The following STXBP3 variants were observed in gnomAD, a reference collection of about 807,000 sequenced individuals.
STXBP3 encodes the protein syntaxin-binding protein 3.
STXBP3 carries 41 observed loss-of-function variants against 85.7 expected under a neutral mutation model. The ratio of observed to expected loss-of-function variants is 0.48; its 90% CI spans 0.37 to 0.62. STXBP3 has a LOEUF of 0.62. Ranked by LOEUF, STXBP3 falls within the 20% of genes least tolerant of loss-of-function variation. The pLI is 0.00. For missense variants in STXBP3, 563 were observed against 703.1 expected (o/e 0.80, Z 2.25); for synonymous variants, 229 against 231.7 (o/e 0.99, Z 0.10).
rs1160617219 is a variant in STXBP3, at chr1:108,809,343, TCA to T, written c.*467_*468del. The T allele has an allele frequency of 6.5e-6, 1 of 153,402 alleles. No homozygotes were observed. The highest frequency in any genetic ancestry group is 1.5e-5 in the Non-Finnish European group (1 of 68,662). 9.5% of individuals were successfully genotyped at this position (153,402 alleles called of 1,614,324 possible). A position where few individuals can be genotyped will look rare whatever the true frequency, so the allele number is the denominator to read the frequency against. ...GTGTAGTTTTTCTTTCAACTAAAAT[TCA>T]GTTTATGTGTAAAATAATTCAGTCA... On this transcript the variant is annotated 3_prime_UTR_variant, in exon 19 of 19. Coordinates refer to ENST00000370008, the MANE Select transcript of STXBP3 (RefSeq NM_007269.4).
chr1:108,782,138 G>A (rs1387333988), intron 9 of STXBP3: 3 of 297,156 alleles, frequency 1.0e-5, no homozygotes, highest in Non-Finnish European at 1.9e-5. Flanking sequence ...TTAACTGTAG[G>A]ACGTTGAATT....
intron 6 of STXBP3, among the ~76,000 whole-genome samples, chr1:108,770,694 G>T (rs1662372033): frequency 6.6e-6 from 1 of 152,162 alleles, no homozygotes; most frequent in Non-Finnish European, 1.5e-5. Context: ...AATTTTCATA[G>T]TTTAAGAGAA....
Position 108,752,310 on chromosome 1 carries a change from G to A in STXBP3, c.99+4G>A. 1.2e-6 allele frequency: 2 copies of A among 1,611,070 alleles called. No individual in the cohort carries two copies. The highest frequency in any genetic ancestry group is 1.7e-6 in the Non-Finnish European group (2 of 1,178,138). On this transcript the variant is annotated splice_donor_region_variant and intron_variant, in intron 2 of 18. Coordinates refer to ENST00000370008, the MANE Select transcript of STXBP3 (RefSeq NM_007269.4). ...CAAGAAAGAAGGCGAATGGAAGGTAGAGTTTGCATACCTTGCTCTTATAAA... is the reference window on the plus strand; with the variant it reads ...CAAGAAAGAAGGCGAATGGAAGGTAAAGTTTGCATACCTTGCTCTTATAAA...
chr1:108,749,783 A>C (rs1661864103), intron 1 of STXBP3, among the ~76,000 whole-genome samples: 2 of 152,210 alleles, frequency 1.3e-5, no homozygotes, highest in South Asian at 4.1e-4. Context: ...TGGCAGACAC[A>C]GGTAGATCCA....
intron 11 of STXBP3, among the ~76,000 whole-genome samples, chr1:108,791,367 T>C (rs1662971111): frequency 6.6e-6 from 1 of 152,204 alleles, no homozygotes; most frequent in African/African-American, 2.4e-5. Context: ...GCTGAGCTTC[T>C]TGAGTCACTG....
rs531616756 is a variant in STXBP3, at chr1:108,762,427, AGTCTC to A, written c.438+2343_438+2347del. 6.4e-3 allele frequency among the ~76,000 whole-genome samples: 977 copies of A among 152,200 alleles called. 7 individuals carry two copies. Among genetic ancestry groups the A allele is most frequent in the Non-Finnish European group, 9.3e-3 (634 of 67,998 alleles). On this transcript the variant is annotated intron_variant, in intron 6 of 18. Transcript: ENST00000370008. ...GGCTCTATGAAATTGTCAGGGGTCT[AGTCTC>A]CTAGGCATGGCCCTTATGATCTAAG...
In STXBP3 at chr1:108,787,630, C is replaced by T. The variant is rs114685360; in HGVS notation, c.963+4924C>T. Among the ~76,000 whole-genome samples, 410 of 151,956 alleles carry T rather than the reference C, an allele frequency of 2.7e-3. 3 individuals carry two copies. The highest frequency in any genetic ancestry group is 9.3e-3 in the African/African-American group (384 of 41,418). ...ATGAAATCAAACTGGTGATAATGAG[C>T]GTCCTTGTCTCATTCCCAGCTTTAT... On this transcript the variant is annotated intron_variant, in intron 11 of 18. Coordinates refer to ENST00000370008, the MANE Select transcript of STXBP3 (RefSeq NM_007269.4).
chr1:108,794,685 C>A, intron 12 of STXBP3, 142 bp from the exon 13 acceptor site: 1 of 649,812 alleles, frequency 1.5e-6, no homozygotes. Flanking sequence ...TACTTCCTTT[C>A]TTGAGCTGTT....
chr1:108,758,406 GTTTTA>G (rs1662063735), intron 4 of STXBP3, 99 bp from the exon 5 acceptor site: 2 of 561,894 alleles, frequency 3.6e-6, no homozygotes, highest in African/African-American at 2.0e-5. Flanking sequence ...AGCCAGTAAA[GTTTTA>G]TTTTGTCACT....
At chr1:108,762,941 C>T (rs1303927470) in intron 6 of STXBP3, among the ~76,000 whole-genome samples, 1 of 152,212 alleles carries the variant, frequency 6.6e-6, no homozygotes, top group African/African-American at 2.4e-5. Context: ...CATATGGGTA[C>T]TGTACCTGGA....
At chr1:108,762,625 A>G (rs929734730) in intron 6 of STXBP3, among the ~76,000 whole-genome samples, 3 of 152,160 alleles carry the variant, frequency 2.0e-5, no homozygotes, top group African/African-American at 7.2e-5. Context: ...GAAGGGTGCC[A>G]ATGGAATGTG....
In STXBP3 at chr1:108,808,939, T is replaced by G. The variant is rs914852946; in HGVS notation, c.*62T>G. 1.8e-6 allele frequency: 2 copies of G among 1,137,056 alleles called. No individual in the cohort carries two copies. Among genetic ancestry groups the G allele is most frequent in the Non-Finnish European group, 2.6e-6 (2 of 782,020 alleles). 70.4% of individuals were successfully genotyped at this position (1,137,056 alleles called of 1,614,324 possible). ...ATGTTGAACTAAAATAGAAAGAAAATGTTGCTGTCATGTAATTTAAACAAT... is the reference window on the plus strand; with the variant it reads ...ATGTTGAACTAAAATAGAAAGAAAAGGTTGCTGTCATGTAATTTAAACAAT... On this transcript the variant is annotated 3_prime_UTR_variant, in exon 19 of 19. Coordinates refer to ENST00000370008, the MANE Select transcript of STXBP3 (RefSeq NM_007269.4).
chr1:108,754,709 T>C (rs1661981744), intron 3 of STXBP3, among the ~76,000 whole-genome samples: 1 of 152,154 alleles, frequency 6.6e-6, no homozygotes, highest in Non-Finnish European at 1.5e-5. Flanking sequence ...CTCCACAGCT[T>C]TCTTTAGGAC....
At chr1:108,791,116 T>C (rs1662964952) in intron 11 of STXBP3, among the ~76,000 whole-genome samples, 1 of 152,202 alleles carries the variant, frequency 6.6e-6, no homozygotes, top group African/African-American at 2.4e-5. Context: ...AAGATACTTT[T>C]GCTGGATTTG....
intron 11 of STXBP3, among the ~76,000 whole-genome samples, chr1:108,788,907 A>T (rs1453892438): frequency 6.6e-6 from 1 of 152,072 alleles, no homozygotes; most frequent in African/African-American, 2.4e-5. Flanking sequence ...ACTAAAAAAA[A>T]TACAAAAATT....
chr1:108,798,279 T>C, intron 16 of STXBP3, 42 bp downstream of exon 16: 1 of 1,483,774 alleles, frequency 6.7e-7, no homozygotes, highest in South Asian at 1.1e-5. Flanking sequence ...GAGTGCCCTC[T>C]TTAGAGTATT....
chr1:108,803,557 C>T (rs555947677), intron 17 of STXBP3, among the ~76,000 whole-genome samples: 30 of 152,246 alleles, frequency 2.0e-4, no homozygotes, highest in African/African-American at 6.5e-4. Context: ...GGCACGATCT[C>T]GGCTCACTAC....
At chr1:108,774,602 C>T (rs1662545701) in intron 7 of STXBP3, among the ~76,000 whole-genome samples, 1 of 149,352 alleles carries the variant, frequency 6.7e-6, no homozygotes, top group Admixed American at 6.7e-5. Context: ...TTATTCATAC[C>T]TTGGGTATTA....
intron 11 of STXBP3, among the ~76,000 whole-genome samples, chr1:108,792,897 A>G (rs1342116817): frequency 6.6e-6 from 1 of 152,152 alleles, no homozygotes; most frequent in Non-Finnish European, 1.5e-5. Context: ...TAGGATGTTC[A>G]CTTAGGTCTC....
Sources: allele counts gnomAD v4.1 joint callset (sites outside exome capture counted in the v4.1 genomes callset), GRCh38; gene constraint gnomAD v4.1.1; transcripts MANE v1.5; gene names NCBI Gene and HGNC (gene_info 2026-07-23, HGNC 2026-07-21).